TUBGCP5: variants seen among roughly 807,000 people sequenced by gnomAD.
TUBGCP5 encodes tubulin gamma complex component 5.
Under a neutral mutation model 134.7 loss-of-function variants are expected in TUBGCP5, and 98 were observed. The ratio of observed to expected loss-of-function variants is 0.73; its 90% CI spans 0.62 to 0.86. The LOEUF (loss-of-function observed/expected upper bound fraction) is 0.86, where lower values mean the gene tolerates loss of function less well. Ranked by LOEUF, TUBGCP5 falls within the 40% of genes least tolerant of loss-of-function variation. TUBGCP5 has a pLI of 0.00. For missense variants in TUBGCP5, 1,150 were observed against 1,244.8 expected (o/e 0.92, Z 1.15); for synonymous variants, 456 against 431.4 (o/e 1.06, Z -0.71).
chr15:23,018,126 T>C (rs1434347246), intron 12 of TUBGCP5, 85 bp from the exon 13 acceptor site: 1 of 1,333,716 alleles, frequency 7.5e-7, no homozygotes, highest in East Asian at 2.5e-5. Flanking sequence ...CCAGACATTA[T>C]AAAACATAGT....
At chr15:23,003,187 A>G in intron 20 of TUBGCP5, 34 bp from the exon 21 acceptor site, 1 of 1,599,344 alleles carries the variant, frequency 6.3e-7, no homozygotes, top group African/African-American at 1.3e-5. Flanking sequence ...CAAACTGTGT[A>G]ACTAGGTTTG....
chr15:23,036,461 A>G (rs1567173297), intron 3 of TUBGCP5, among the ~76,000 whole-genome samples: 1 of 152,040 alleles, frequency 6.6e-6, no homozygotes, highest in Non-Finnish European at 1.5e-5. Context: ...CAGTGAGGAT[A>G]ACAGCTTTTT....
chr15:23,005,956 T>C (rs1377470007), intron 18 of TUBGCP5, 96 bp downstream of exon 18: 53 of 1,330,274 alleles, frequency 4.0e-5, no homozygotes, highest in Non-Finnish European at 4.8e-5. Flanking sequence ...TTTTTTTTTT[T>C]CCAGATCCCC....
In TUBGCP5 at chr15:23,006,425, G is replaced by T. The variant is rs2064720276; in HGVS notation, c.2328-73C>A. 3.7e-5 allele frequency: 39 copies of T among 1,040,954 alleles called. No homozygotes were observed. The South Asian group carries it at 5.6e-4, about 15-fold the overall frequency. 64.5% of individuals were successfully genotyped at this position (1,040,954 alleles called of 1,614,324 possible). On this transcript the variant is annotated intron_variant, in intron 16 of 22. Transcript: ENST00000615383. The stretch of plus-strand genomic sequence containing the variant: ...CAAAAATGCTCTTTTAAAATAATTG[G>T]TATTTCATTTACATAATATTCCCCA...
intron 8 of TUBGCP5, among the ~76,000 whole-genome samples, 166 bp from the exon 9 acceptor site, chr15:23,024,996 G>A (rs2065910331): frequency 6.6e-6 from 1 of 151,936 alleles, no homozygotes; most frequent in Non-Finnish European, 1.5e-5. Flanking sequence ...CAACCTCCTG[G>A]GTTCAAGTGA....
In TUBGCP5 at chr15:23,024,755, T is replaced by C. The variant is rs144406450; in HGVS notation, c.903A>G (p.Ile301Met). Residue 301 changes from isoleucine (I) to methionine (M), a missense_variant, in exon 9 of 23, where the codon ATA (isoleucine) becomes ATG (methionine). Physicochemically the swap from Ile to Met is conservative, Grantham distance 10 (BLOSUM62 1). Around this residue, in one of 2 missense-constraint regions of TUBGCP5, gnomAD observed 453 missense variants for 394.7 expected, o/e 1.15. Transcript: ENST00000615383. ...DGKVTVRNNI[I>M]VTHLTHSCLR... The stretch of plus-strand genomic sequence containing the variant: ...AACTTACATGTGTTAAATGAGTTAC[T>C]ATAATATTGTTTCTCACAGTTACCT... 6.4e-6 allele frequency: 10 copies of C among 1,563,816 alleles called. No individual in the cohort carries two copies. The African/African-American group carries it at 1.4e-4, about 21-fold the overall frequency.
chr15:23,014,562 G>C (rs1018149183), intron 13 of TUBGCP5, among the ~76,000 whole-genome samples: 7 of 151,866 alleles, frequency 4.6e-5, no homozygotes, highest in Non-Finnish European at 7.4e-5. Context: ...CCACCCACAT[G>C]CTGGGCCTCA....
intron 12 of TUBGCP5, 26 bp downstream of exon 12, chr15:23,019,193 T>G (rs1198803013): frequency 6.4e-7 from 1 of 1,553,824 alleles, no homozygotes; most frequent in African/African-American, 1.4e-5. Context: ...CAGCCCCCAG[T>G]GACCTTGTGC....
rs1173514327 is a variant in TUBGCP5 at position 23,013,425 on chromosome 15, G to A, written c.1757-2094C>T. 6.6e-6 allele frequency among the ~76,000 whole-genome samples: 1 copy of A among 151,972 alleles called. No homozygotes were observed. Among genetic ancestry groups the A allele is most frequent in the Non-Finnish European group, 1.5e-5 (1 of 67,966 alleles). ...CGCGCCGCTGCACTCCAGCCTGGGC[G>A]ACAGGGAAAGACTCCGTCTCAAAAA... On this transcript the variant is annotated intron_variant, in intron 13 of 22. Coordinates refer to ENST00000615383, the MANE Select transcript of TUBGCP5 (RefSeq NM_052903.6). The surrounding 1 kb of genome is among the most constrained non-coding windows in gnomAD (Gnocchi z 4.5).
intron 6 of TUBGCP5, 88 bp from the exon 7 acceptor site, chr15:23,027,394 T>C (rs752256808): frequency 1.7e-5 from 18 of 1,042,222 alleles, no homozygotes; most frequent in Non-Finnish European, 2.5e-5. Context: ...TTCAAACGTA[T>C]AGTTGAAAAT....
intron 16 of TUBGCP5, among the ~76,000 whole-genome samples, chr15:23,006,569 T>C (rs944596973): frequency 1.3e-5 from 2 of 152,048 alleles, no homozygotes; most frequent in African/African-American, 4.8e-5. Flanking sequence ...TTTTAAACAA[T>C]GAGTTTAGTT....
At chr15:23,000,775 A>G in intron 21 of TUBGCP5, 106 bp from the exon 22 acceptor site, 1 of 792,582 alleles carries the variant, frequency 1.3e-6, no homozygotes, top group Non-Finnish European at 1.9e-6. Context: ...TTAATTATTT[A>G]AAATCCTAAA....
intron 23 of TUBGCP5, among the ~76,000 whole-genome samples, chr15:22,990,754 G>A (rs961718665): frequency 6.6e-6 from 1 of 152,186 alleles, no homozygotes; most frequent in Non-Finnish European, 1.5e-5. Context: ...GCAGATCTAA[G>A]TTCTTGAGAT....
intron 1 of TUBGCP5, among the ~76,000 whole-genome samples, chr15:23,038,249 C>A (rs942064924): frequency 6.6e-6 from 1 of 152,014 alleles, no homozygotes; most frequent in African/African-American, 2.4e-5. Flanking sequence ...TACTGAAAAA[C>A]ACATGATTCT....
intron 15 of TUBGCP5, 54 bp from the exon 16 acceptor site, chr15:23,008,935 A>T: frequency 7.0e-7 from 1 of 1,436,358 alleles, no homozygotes; most frequent in Non-Finnish European, 9.3e-7. Flanking sequence ...GTAAGGCAGG[A>T]TTCTGGATCA....
chr15:22,988,629 G>A (rs1026280691), intron 23 of TUBGCP5, among the ~76,000 whole-genome samples: 5 of 151,516 alleles, frequency 3.3e-5, no homozygotes, highest in African/African-American at 4.8e-5. Context: ...CCAGCTACTC[G>A]GGAGGCTGAG....
intron 20 of TUBGCP5, 41 bp from the exon 21 acceptor site, chr15:23,003,194 T>G: frequency 6.3e-7 from 1 of 1,579,272 alleles, no homozygotes; most frequent in Non-Finnish European, 8.7e-7. Flanking sequence ...TGTAACTAGG[T>G]TTGGACACTG....
intron 21 of TUBGCP5, among the ~76,000 whole-genome samples, chr15:23,001,022 A>G (rs536521516): frequency 2.0e-5 from 3 of 152,246 alleles, no homozygotes; most frequent in African/African-American, 7.2e-5. Context: ...ATAAAACTTA[A>G]AATCTGAAAT....
rs2065838016 is a variant in TUBGCP5, at chr15:23,023,737, T to C, written c.1168+210A>G. 2.6e-5 allele frequency: 12 copies of C among 464,038 alleles called. No individual in the cohort carries two copies. In the South Asian group the frequency reaches 3.4e-4, roughly 13 times the overall value. The allele number at this position is 464,038 out of a possible 1,614,324, so 28.7% of individuals were successfully genotyped here. On this transcript the variant is annotated intron_variant, in intron 10 of 22. Coordinates refer to ENST00000615383, the MANE Select transcript of TUBGCP5 (RefSeq NM_052903.6). ...GGGTACTGGTGCAGGAAGAATAATT[T>C]AGATTTTTCATTCTAAATCTTCTGT... is the stretch of plus-strand genomic sequence containing the variant.
Sources: allele counts gnomAD v4.1 joint callset (sites outside exome capture counted in the v4.1 genomes callset), GRCh38; gene constraint gnomAD v4.1.1; regional missense constraint gnomAD v4.1.1; non-coding constraint Gnocchi (gnomAD v3.1); transcripts MANE v1.5; gene names NCBI Gene and HGNC (gene_info 2026-07-23, HGNC 2026-07-21).